The following IAH1 variants were observed in gnomAD, a reference collection of about 807,000 sequenced individuals.
IAH1 encodes the protein isoamyl acetate hydrolyzing esterase 1 (putative).
Under a neutral mutation model 26.7 loss-of-function variants are expected in IAH1, and 24 were observed. The ratio of observed to expected loss-of-function variants is 0.90; its 90% CI spans 0.65 to 1.26. The LOEUF (loss-of-function observed/expected upper bound fraction) is 1.26, where lower values mean the gene tolerates loss of function less well. Among genes scored for constraint, IAH1 ranks in the 50% most tolerant of loss-of-function variants. IAH1 has a pLI of 0.00. For missense variants in IAH1, 300 were observed against 299.9 expected (o/e 1.00, Z 0.00); for synonymous variants, 140 against 118.5 (o/e 1.18, Z -1.18).
In IAH1 at chr2:9,474,555, C is replaced by CCCCGA. The variant is rs2124886524; in HGVS notation, c.-10_-9insCGACC. On this transcript the variant is annotated 5_prime_UTR_variant, in exon 1 of 6. Transcript: ENST00000497473. This position sits in a 1 kb window ranked among gnomAD's most constrained non-coding sequence, Gnocchi z 4.3. ...TGGCTGGCGGCCCCGCCCCGCCCCG[C>CCCCGA]CCGGCTGCTCCATGGCGCTGTGCGA... The CCCCGA allele has an allele frequency of 1.4e-6, 2 of 1,471,158 alleles. No individual in the cohort carries two copies. The highest frequency in any genetic ancestry group is 1.8e-6 in the Non-Finnish European group (2 of 1,115,810). 91.1% of individuals were successfully genotyped at this position (1,471,158 alleles called of 1,614,324 possible).
At chr2:9,482,144 T>C (rs1258952974) in intron 4 of IAH1, among the ~76,000 whole-genome samples, 1 of 150,446 alleles carries the variant, frequency 6.6e-6, no homozygotes, top group African/African-American at 2.5e-5. Flanking sequence ...CAATTCTGCC[T>C]CAGCCTCCTG....
At chr2:9,502,204 A>G in the IAH1 span, 1 of 1,614,154 alleles carries the variant, frequency 6.2e-7, no homozygotes. Context: ...TGCAAGTAGC[A>G]TTAATCGCCT....
chr2:9,494,906 A>C, intron 6 of IAH1: 2 of 1,017,714 alleles, frequency 2.0e-6, no homozygotes, highest in Non-Finnish European at 2.8e-6. Flanking sequence ...AATACTATCC[A>C]TAGCCCCCAC....
chr2:9,475,181 C>G (rs761256679), intron 1 of IAH1: 1 of 1,288,968 alleles, frequency 7.8e-7, no homozygotes, highest in South Asian at 1.2e-5. Flanking sequence ...CCAAGATCAT[C>G]TCACCTCCCA....
the IAH1 span, chr2:9,502,147 T>C: frequency 6.3e-7 from 1 of 1,591,752 alleles, no homozygotes; most frequent in Non-Finnish European, 8.6e-7. Context: ...CCCACAGCAT[T>C]CCAAGGAAGC....
At position 9,474,652 on chromosome 2, in the gene IAH1, G is replaced by T. The variant is rs543844705; in HGVS notation, c.81+5G>T. 1.0e-5 allele frequency: 16 copies of T among 1,543,016 alleles called. No individual in the cohort carries two copies. The East Asian group carries it at 3.4e-4, about 33-fold the overall frequency. On this transcript the variant is annotated splice_donor_5th_base_variant and intron_variant, in intron 1 of 5. Coordinates refer to ENST00000497473, the MANE Select transcript of IAH1 (RefSeq NM_001039613.3). This position sits in a 1 kb window ranked among gnomAD's most constrained non-coding sequence, Gnocchi z 4.3. ...TTCGGGGACTCCATCACCCAGGTAC[G>T]GCCGCCCCGACGCTCGGCCTCCCGC...
downstream of IAH1, chr2:9,497,174 C>T: frequency 6.2e-7 from 1 of 1,614,236 alleles, no homozygotes; most frequent in East Asian, 2.2e-5. Flanking sequence ...CATTTCCCAT[C>T]CTTACACTTG....
At chr2:9,495,860 C>CTT (rs34087915) in intron 6 of IAH1, among the ~76,000 whole-genome samples, 3 of 138,654 alleles carry the variant, frequency 2.2e-5, no homozygotes, top group East Asian at 2.1e-4. Context: ...TACGTGTTAC[C>CTT]TTTTTTTTTT....
At position 9,481,386 on chromosome 2, in the gene IAH1, C is replaced by T. The variant is rs763872729; in HGVS notation, c.384C>T (p.Val128=). ...CCGTGGACATCCCTGAGAATCGAGT[C>T]ATTCTCATCACGCCGACCCCACTTT... ...LKSVDIPENR[V]ILITPTPLCE... Residue 128 remains valine (V), a synonymous_variant, in exon 4 of 6, where the codon GTC becomes GTT. Transcript: ENST00000497473. The T allele has an allele frequency of 1.9e-6, 3 of 1,613,938 alleles. No individual in the cohort carries two copies. The highest frequency in any genetic ancestry group is 2.5e-6 in the Non-Finnish European group (3 of 1,179,930).
At chr2:9,500,784 T>C (rs1662952460), downstream of IAH1, among the ~76,000 whole-genome samples, 3 of 152,218 alleles carry the variant, frequency 2.0e-5, no homozygotes, top group Admixed American at 1.3e-4. Flanking sequence ...GATATGTCCG[T>C]TTATATACCT....
intron 2 of IAH1, among the ~76,000 whole-genome samples, chr2:9,477,891 C>T (rs1386142661): frequency 6.6e-6 from 1 of 152,148 alleles, no homozygotes; most frequent in Non-Finnish European, 1.5e-5. Flanking sequence ...GAGATACTTG[C>T]TCAGATTATC....
intron 2 of IAH1, among the ~76,000 whole-genome samples, chr2:9,477,910 G>A (rs1359552115): frequency 6.6e-6 from 1 of 152,116 alleles, no homozygotes; most frequent in Non-Finnish European, 1.5e-5. Flanking sequence ...TCTATCTGTT[G>A]TGAACTCCAT....
At chr2:9,502,879 CAAAAAAAAAAA>C in the IAH1 span, among the ~76,000 whole-genome samples, 2 of 43,594 alleles carry the variant, frequency 4.6e-5, no homozygotes, top group South Asian at 1.1e-3. Context: ...AATTCTGTCT[CAAAAAAAAAAA>C]AAAAAAAAAA....
chr2:9,487,047 CAT>C (rs1186638791), intron 5 of IAH1, among the ~76,000 whole-genome samples: 1 of 152,022 alleles, frequency 6.6e-6, no homozygotes, highest in Non-Finnish European at 1.5e-5. Flanking sequence ...GCCTGGGCAA[CAT>C]AATGAGAGAC....
chr2:9,476,482 CTT>C (rs1187515099), intron 2 of IAH1, among the ~76,000 whole-genome samples: 5 of 152,242 alleles, frequency 3.3e-5, no homozygotes, highest in Admixed American at 1.3e-4. Context: ...GACAGGGTCT[CTT>C]GTTAGGCGCG....
the IAH1 span, among the ~76,000 whole-genome samples, chr2:9,504,509 G>A: frequency 7.9e-5 from 12 of 151,980 alleles, no homozygotes; most frequent in African/African-American, 2.9e-4. Context: ...CCTCACACCT[G>A]TAATCCCAGC....
At chr2:9,478,158 C>T (rs1219921288) in intron 2 of IAH1, 64 bp from the exon 3 acceptor site, 2 of 1,450,456 alleles carry the variant, frequency 1.4e-6, no homozygotes, top group Non-Finnish European at 1.9e-6. Flanking sequence ...TCACTAAAGG[C>T]CGGTTACTGC....
intron 5 of IAH1, among the ~76,000 whole-genome samples, chr2:9,487,705 T>A (rs1443836238): frequency 6.6e-6 from 1 of 151,980 alleles, no homozygotes. Flanking sequence ...AAGGGGCTGG[T>A]GATATTTCTG....
At position 9,476,049 on chromosome 2, in the gene IAH1, G is replaced by A; in HGVS notation, c.134+10G>A. ...CTGACAGGCTGGTCAGGTGAGAATG[G>A]TTTCCGATACTTGAGTTCTTATGGA... On this transcript the variant is annotated intron_variant, in intron 2 of 5. Transcript: ENST00000497473. 1.9e-6 allele frequency: 3 copies of A among 1,610,800 alleles called. No homozygotes were observed. Among genetic ancestry groups the A allele is most frequent in the Non-Finnish European group, 2.5e-6 (3 of 1,177,464 alleles).
Sources: gnomAD v4.1 joint callset for allele counts (sites outside exome capture counted in the v4.1 genomes callset) on GRCh38, gnomAD v4.1.1 for gene constraint, Gnocchi (gnomAD v3.1) non-coding constraint, MANE v1.5 for transcripts, NCBI Gene and HGNC (gene_info 2026-07-23, HGNC 2026-07-21) for gene names.